The following LAMA3 variants were observed in gnomAD, a reference collection of about 807,000 sequenced individuals.
LAMA3 encodes laminin subunit alpha-3.
LAMA3 carries 281 observed loss-of-function variants against 402.0 expected under a neutral mutation model. The observed-to-expected ratio is 0.70, with a 90% CI of 0.63 to 0.77. The LOEUF (loss-of-function observed/expected upper bound fraction) is 0.77, where lower values mean the gene tolerates loss of function less well. Among genes scored for constraint, LAMA3 ranks in the 30% least tolerant of loss-of-function variants. The pLI, the probability that LAMA3 is intolerant of heterozygous loss-of-function variation, is 0.00. For synonymous variants in LAMA3, 1,431 were observed against 1,558.4 expected (o/e 0.92, Z 1.93); for missense variants, 3,840 against 4,215.5 (o/e 0.91, Z 2.47).
chr18:23,804,508 ACTAG>A (rs2062925444), intron 12 of LAMA3, among the ~76,000 whole-genome samples: 1 of 152,218 alleles, frequency 6.6e-6, no homozygotes, highest in Non-Finnish European at 1.5e-5. Context: ...CTTCTTGTTC[ACTAG>A]CTCCAATTAG....
chr18:23,740,963 T>A (rs1313628761), intron 2 of LAMA3, among the ~76,000 whole-genome samples: 1 of 151,786 alleles, frequency 6.6e-6, no homozygotes, highest in African/African-American at 2.4e-5. Flanking sequence ...ACACTTTTTT[T>A]TTTTTTTTGA....
At chr18:23,903,202 A>G (rs925293016) in intron 49 of LAMA3, 77 bp downstream of exon 49, 3 of 916,568 alleles carry the variant, frequency 3.3e-6, no homozygotes, top group East Asian at 4.8e-5. Context: ...AAATGGGCTG[A>G]CCTACTTTTT....
chr18:23,804,596 A>T (rs1366665660), intron 12 of LAMA3, among the ~76,000 whole-genome samples: 1 of 152,202 alleles, frequency 6.6e-6, no homozygotes, highest in East Asian at 1.9e-4. Flanking sequence ...CCTGTGACCT[A>T]AATTATGACA....
intron 2 of LAMA3, among the ~76,000 whole-genome samples, chr18:23,717,579 G>T (rs2061127022): frequency 9.3e-6 from 1 of 108,092 alleles, no homozygotes; most frequent in Non-Finnish European, 1.7e-5. Flanking sequence ...TTGAGACAGA[G>T]TCTCACTCTG....
At chr18:23,920,325 C>T (rs142782484) in intron 60 of LAMA3, among the ~76,000 whole-genome samples, 67 of 152,310 alleles carry the variant, frequency 4.4e-4, no homozygotes, top group African/African-American at 1.6e-3. Context: ...CGTGTGCAGA[C>T]TTGGCCCTGA....
chr18:23,816,266 C>T (rs1598849963), intron 17 of LAMA3, 122 bp from the exon 18 acceptor site: 1 of 750,954 alleles, frequency 1.3e-6, no homozygotes, highest in East Asian at 2.7e-5. Flanking sequence ...ACAGATGTGG[C>T]AGAGGAAAGA....
chr18:23,707,417 C>T (rs2060910434), intron 1 of LAMA3, among the ~76,000 whole-genome samples: 1 of 152,224 alleles, frequency 6.6e-6, no homozygotes, highest in African/African-American at 2.4e-5. Flanking sequence ...CAGAATGACA[C>T]ATCTGCTATA....
intron 72 of LAMA3, 110 bp from the exon 73 acceptor site, chr18:23,951,574 A>C: frequency 1.3e-6 from 1 of 770,822 alleles, no homozygotes; most frequent in African/African-American, 1.7e-5. Flanking sequence ...GCCAATATCT[A>C]ATGTGCCCTT....
In LAMA3 at chr18:23,751,012, T is replaced by A. The variant is rs1272817366; in HGVS notation, c.779T>A (p.Leu260Ter). Residue 260 changes from leucine to a stop codon, truncating the protein, a stop_gained, in exon 5 of 75, where the codon TTG becomes TAG. Coordinates refer to ENST00000313654, the MANE Select transcript of LAMA3 (RefSeq NM_198129.4). LOFTEE classifies it high-confidence loss of function. ...TTTACCAAGGCAACAAACATCCGCT[T>A]GCGTTTTCTTAGAACCAATACGCTT... is the stretch of plus-strand genomic sequence containing the variant. ...REFTKATNIR[L>*]RFLRTNTLLG... is the part of the protein sequence containing the mutation. 1 of 1,614,190 alleles carries A rather than the reference T, an allele frequency of 6.2e-7. No homozygotes were observed. Among genetic ancestry groups the A allele is most frequent in the Non-Finnish European group, 8.5e-7 (1 of 1,180,028 alleles).
chr18:23,702,010 G>GGAGA (rs2060799237), intron 1 of LAMA3, among the ~76,000 whole-genome samples: 2 of 151,658 alleles, frequency 1.3e-5, no homozygotes, highest in Non-Finnish European at 2.9e-5. Flanking sequence ...GATGCAGTGG[G>GGAGA]GAGAGAGAGA....
intron 11 of LAMA3, 40 bp from the exon 12 acceptor site, chr18:23,783,983 A>G: frequency 6.2e-7 from 1 of 1,612,888 alleles, no homozygotes; most frequent in South Asian, 1.1e-5. Flanking sequence ...AAAGTGATGG[A>G]AGATGGAGAC....
chr18:23,931,773 G>A (rs567501935), intron 65 of LAMA3: 19 of 288,808 alleles, frequency 6.6e-5, no homozygotes, highest in Non-Finnish European at 1.1e-4. Context: ...GGAGGCTATA[G>A]GGTTAAAGGG....
chr18:23,816,629 C>A, intron 18 of LAMA3, 142 bp downstream of exon 18: 3 of 729,332 alleles, frequency 4.1e-6, no homozygotes, highest in South Asian at 3.0e-5. Flanking sequence ...CAATTGAAAT[C>A]TGGACATTTG....
intron 5 of LAMA3, 78 bp from the exon 6 acceptor site, chr18:23,753,643 A>T (rs1439177375): frequency 1.4e-5 from 14 of 998,154 alleles, no homozygotes; most frequent in East Asian, 2.5e-5. Context: ...GAGGCAGCAG[A>T]TGTGGGTTAA....
chr18:23,863,492 G>A (rs1041075412), intron 35 of LAMA3, among the ~76,000 whole-genome samples: 1 of 152,178 alleles, frequency 6.6e-6, no homozygotes, highest in African/African-American at 2.4e-5. Flanking sequence ...CCCACCTCTT[G>A]AAGGCAGGAG....
intron 1 of LAMA3, among the ~76,000 whole-genome samples, chr18:23,695,833 A>AAAAG (rs2060676152): frequency 7.7e-6 from 1 of 129,514 alleles, no homozygotes; most frequent in African/African-American, 2.7e-5. Context: ...AAAAAAAAAA[A>AAAAG]AAAGAAATAT....
At chr18:23,748,349 A>G (rs1415504845) in intron 3 of LAMA3, among the ~76,000 whole-genome samples, 6 of 151,530 alleles carry the variant, frequency 4.0e-5, no homozygotes, top group African/African-American at 1.5e-4. Flanking sequence ...TGAACCCAGG[A>G]AGCAGATGTT....
chr18:23,839,015 A>G lies in LAMA3; in HGVS notation c.3191+137A>G. The G allele has an allele frequency of 1.4e-6, 1 of 701,012 alleles. No individual in the cohort carries two copies. The highest frequency in any genetic ancestry group is 2.6e-6 in the Non-Finnish European group (1 of 382,542). 43.4% of individuals were successfully genotyped at this position (701,012 alleles called of 1,614,324 possible). A position where few individuals can be genotyped will look rare whatever the true frequency, so the allele number is the denominator to read the frequency against. Reference sequence around the variant, plus strand: ...AGTCTGGTGGTGGATTTAAAACAGAAAGAAAAACCAGCTAAATAATTTACC... The same window carrying G: ...AGTCTGGTGGTGGATTTAAAACAGAGAGAAAAACCAGCTAAATAATTTACC... On this transcript the variant is annotated intron_variant, in intron 26 of 74. Transcript: ENST00000313654. The surrounding 1 kb of genome is among the most constrained non-coding windows in gnomAD (Gnocchi z 4.5).
intron 66 of LAMA3, 95 bp downstream of exon 66, chr18:23,932,386 C>T (rs923710125): frequency 2.7e-5 from 36 of 1,358,370 alleles, no homozygotes; most frequent in South Asian, 7.1e-5. Context: ...GCTTTGTCAA[C>T]ATGTGCTGCA....
Sources: gnomAD v4.1 joint callset for allele counts (sites outside exome capture counted in the v4.1 genomes callset) on GRCh38, gnomAD v4.1.1 for gene constraint, Gnocchi (gnomAD v3.1) non-coding constraint, MANE v1.5 for transcripts, NCBI Gene and HGNC (gene_info 2026-07-23, HGNC 2026-07-21) for gene names.